NLK: variants seen among roughly 807,000 people sequenced by gnomAD.
The protein encoded by NLK is nemo like kinase.
A neutral mutation model predicts 59.0 loss-of-function variants in NLK; 11 were observed. The observed-to-expected ratio is 0.19, with a 90% CI of 0.12 to 0.31. The LOEUF (loss-of-function observed/expected upper bound fraction) is 0.31, where lower values mean the gene tolerates loss of function less well. NLK is among the 10% of genes least tolerant of loss of function. NLK has a pLI of 1.00. For missense variants in NLK, 410 were observed against 661.1 expected, an observed-to-expected ratio of 0.62 and a Z score of 4.16; for synonymous variants, 235 against 235.9, an observed-to-expected ratio of 1.00 and a Z score of 0.03.
chr17:28,147,691 G>T (rs1907313819), intron 3 of NLK, among the ~76,000 whole-genome samples: 1 of 152,110 alleles, frequency 6.6e-6, no homozygotes, highest in African/African-American at 2.4e-5. Flanking sequence ...TCTCTAATAT[G>T]TTCCCACCTA....
intron 3 of NLK, among the ~76,000 whole-genome samples, chr17:28,144,506 T>C (rs1405583383): frequency 6.6e-6 from 1 of 152,054 alleles, no homozygotes; most frequent in Non-Finnish European, 1.5e-5. Context: ...ATGCTGTCAG[T>C]GCTCCCAACT....
chr17:28,199,484 G>T (rs1909567666), downstream of NLK, among the ~76,000 whole-genome samples: 1 of 151,820 alleles, frequency 6.6e-6, no homozygotes, highest in South Asian at 2.1e-4. Context: ...TGGCCAAAAT[G>T]GTGAAAACCC....
chr17:28,131,221 G>C (rs575948927), intron 2 of NLK, among the ~76,000 whole-genome samples: 1 of 152,164 alleles, frequency 6.6e-6, no homozygotes, highest in South Asian at 2.1e-4. Flanking sequence ...AAACGGAAAA[G>C]AGATGGTGGA....
At chr17:28,163,774 C>T (rs2142050003) in intron 5 of NLK, 146 bp downstream of exon 5, 1 of 577,036 alleles carries the variant, frequency 1.7e-6, no homozygotes. Context: ...CTACTCATAG[C>T]CATGGTAATA....
At chr17:28,065,214 C>T (rs1268258592) in intron 1 of NLK, among the ~76,000 whole-genome samples, 8 of 152,108 alleles carry the variant, frequency 5.3e-5, no homozygotes, top group Admixed American at 3.3e-4. Flanking sequence ...ACAATGTTTA[C>T]ATTATGTTAT....
At chr17:28,203,478 C>G in the NLK span, among the ~76,000 whole-genome samples, 1 of 152,286 alleles carries the variant, frequency 6.6e-6, no homozygotes, top group East Asian at 1.9e-4. Context: ...TGTCTCAGTG[C>G]TAGACCTTCC....
chr17:28,205,891 C>G, the NLK span, among the ~76,000 whole-genome samples: 1 of 152,108 alleles, frequency 6.6e-6, no homozygotes, highest in South Asian at 2.1e-4. Context: ...TGTTGTATTG[C>G]ATGCTGGAAA....
intron 2 of NLK, among the ~76,000 whole-genome samples, chr17:28,123,589 G>A (rs1906165045): frequency 6.6e-6 from 1 of 152,158 alleles, no homozygotes; most frequent in South Asian, 2.1e-4. Context: ...ATTGACCCTT[G>A]ATTTTAAGTG....
chr17:28,072,874 A>T (rs978848614), intron 1 of NLK, among the ~76,000 whole-genome samples: 1 of 151,998 alleles, frequency 6.6e-6, no homozygotes, highest in Non-Finnish European at 1.5e-5. Context: ...TTATGTTTGC[A>T]TCTGATAATA....
At chr17:28,054,651 T>G (rs1909375718) in intron 1 of NLK, among the ~76,000 whole-genome samples, 2 of 152,248 alleles carry the variant, frequency 1.3e-5, no homozygotes, top group South Asian at 4.1e-4. Context: ...AATTTTAAGC[T>G]AGTAAAAGTT....
intron 2 of NLK, among the ~76,000 whole-genome samples, chr17:28,128,596 C>T (rs529475916): frequency 2.0e-5 from 3 of 152,126 alleles, no homozygotes; most frequent in Admixed American, 6.5e-5. Context: ...TAAATTAAAA[C>T]GACATTGAGT....
Position 28,194,826 on chromosome 17 carries a change from T to A in NLK, c.*190T>A, listed in dbSNP as rs1909427561. 1 of 403,790 alleles carries A rather than the reference T, an allele frequency of 2.5e-6. No homozygotes were observed. Among genetic ancestry groups the A allele is most frequent in the Non-Finnish European group, 4.4e-6 (1 of 228,262 alleles). The allele number at this position is 403,790 out of a possible 1,614,324, so 25.0% of individuals were successfully genotyped here. A position where few individuals can be genotyped will look rare whatever the true frequency, so the allele number is the denominator to read the frequency against. Reference sequence around the variant, plus strand: ...GACTTTTAATCTTGTAAAGTGGTTGTGCTTTTAGAAGAAAAATATTTTACC... The same window carrying A: ...GACTTTTAATCTTGTAAAGTGGTTGAGCTTTTAGAAGAAAAATATTTTACC... On this transcript the variant is annotated 3_prime_UTR_variant, in exon 11 of 11. Coordinates refer to ENST00000407008, the MANE Select transcript of NLK (RefSeq NM_016231.5).
intron 1 of NLK, among the ~76,000 whole-genome samples, chr17:28,075,167 C>G (rs1402730927): frequency 6.6e-6 from 1 of 152,134 alleles, no homozygotes; most frequent in Non-Finnish European, 1.5e-5. Context: ...ATCTGGCAGA[C>G]AAATCAGTTT....
intron 2 of NLK, among the ~76,000 whole-genome samples, chr17:28,132,392 T>C (rs756756475): frequency 3.3e-5 from 5 of 152,200 alleles, no homozygotes; most frequent in Non-Finnish European, 5.9e-5. Context: ...TGGTAGCGTG[T>C]GGTGTAACCC....
At chr17:28,121,753 C>T (rs1906071418) in intron 1 of NLK, among the ~76,000 whole-genome samples, 1 of 152,036 alleles carries the variant, frequency 6.6e-6, no homozygotes, top group East Asian at 1.9e-4. Context: ...GTCACCTCGG[C>T]CTCCCAAAGT....
chr17:28,163,488 A>T, intron 4 of NLK, 55 bp from the exon 5 acceptor site: 1 of 1,019,438 alleles, frequency 9.8e-7, no homozygotes, highest in Admixed American at 2.2e-5. Flanking sequence ...TTTTTAAATT[A>T]TTGGTTGAGT....
chr17:28,205,454 C>G, the NLK span, among the ~76,000 whole-genome samples: 1 of 151,788 alleles, frequency 6.6e-6, no homozygotes, highest in Non-Finnish European at 1.5e-5. Flanking sequence ...AAAAGAGAAA[C>G]AAGAAGAAAC....
chr17:28,042,998 A>G lies in NLK; in HGVS notation c.125A>G (p.His42Arg). Residue 42 changes from histidine to arginine, a missense_variant, in exon 1 of 11, where the codon CAC (histidine) becomes CGC (arginine). His to Arg is a conservative substitution (Grantham distance 29, BLOSUM62 0). Around this residue, in one of 5 missense-constraint regions of NLK, gnomAD observed 160 missense variants for 171.0 expected, o/e 0.94. Coordinates refer to ENST00000407008, the MANE Select transcript of NLK (RefSeq NM_016231.5). ...HHHLPHLPPP[H>R]LHHHHHPQHH... ...CACCTTCCACACCTCCCTCCTCCTCACCTGCACCACCACCACCACCCTCAA... is the reference window on the plus strand; with the variant it reads ...CACCTTCCACACCTCCCTCCTCCTCGCCTGCACCACCACCACCACCCTCAA... 6.4e-7 allele frequency: 1 copy of G among 1,556,128 alleles called. No homozygotes were observed. The highest frequency in any genetic ancestry group is 8.7e-7 in the Non-Finnish European group (1 of 1,149,370).
intron 1 of NLK, among the ~76,000 whole-genome samples, chr17:28,069,288 G>A (rs948387738): frequency 6.6e-6 from 1 of 152,150 alleles, no homozygotes; most frequent in Non-Finnish European, 1.5e-5. Context: ...TCATATGTCA[G>A]TGTATGAATA....
Sources: allele counts gnomAD v4.1 joint callset (sites outside exome capture counted in the v4.1 genomes callset), GRCh38; gene constraint gnomAD v4.1.1; regional missense constraint gnomAD v4.1.1; transcripts MANE v1.5; gene names NCBI Gene and HGNC (gene_info 2026-07-23, HGNC 2026-07-21).